ENTPD8: variants seen among roughly 807,000 people sequenced by gnomAD.
The protein encoded by ENTPD8 is E-NTPDase 8.
In ENTPD8, 35 loss-of-function variants were observed where a neutral mutation model predicts 47.0. That is an observed-to-expected ratio of 0.75 (90% CI 0.57 to 0.99). The LOEUF (loss-of-function observed/expected upper bound fraction) is 0.99, where lower values mean the gene tolerates loss of function less well. ENTPD8 is among the 50% of genes least tolerant of loss of function. The probability of loss-of-function intolerance (pLI) is 0.00; values close to 1 mark genes in which losing one functional copy is unlikely to be tolerated. For missense variants in ENTPD8, 668 were observed against 649.9 expected, an observed-to-expected ratio of 1.03 and a Z score of -0.30; for synonymous variants, 308 against 290.5, an observed-to-expected ratio of 1.06 and a Z score of -0.61.
Position 137,434,479 on chromosome 9 carries a change from C to T in ENTPD8, c.*435G>A, listed in dbSNP as rs1212722814. 1 of 1,230,998 alleles carries T rather than the reference C, an allele frequency of 8.1e-7. No homozygotes were observed. The highest frequency in any genetic ancestry group is 1.1e-6 in the Non-Finnish European group (1 of 891,632). 76.3% of individuals were successfully genotyped at this position (1,230,998 alleles called of 1,614,324 possible). On this transcript the variant is annotated 3_prime_UTR_variant, in exon 10 of 10. Coordinates refer to ENST00000371506, the MANE Select transcript of ENTPD8 (RefSeq NM_001033113.2). ...GCCCCCAGGCCTGGACTCCATCCAT[C>T]TGCTCAGACAACAGCAGGGAGAGCG...
intron 6 of ENTPD8, 27 bp downstream of exon 6, chr9:137,436,480 TGTTCCCACAGCCCC>T (rs1304023920): frequency 6.4e-7 from 1 of 1,554,434 alleles, no homozygotes; most frequent in Non-Finnish European, 8.7e-7. Context: ...CCCATAGCCC[TGTTCCCACAGCCCC>T]ATGCACCCTC....
intron 5 of ENTPD8, 59 bp from the exon 6 acceptor site, chr9:137,436,810 C>T: frequency 1.2e-6 from 2 of 1,602,828 alleles, no homozygotes; most frequent in African/African-American, 1.3e-5. Context: ...TCCCGGTCAG[C>T]CAGCCCCAGA....
rs941560583 is a variant in ENTPD8, at chr9:137,434,556, A to C, written c.*358T>G. On this transcript the variant is annotated 3_prime_UTR_variant, in exon 10 of 10. Coordinates refer to ENST00000371506, the MANE Select transcript of ENTPD8 (RefSeq NM_001033113.2). ...CTTCCACCCCTCTCCGCCCCTCCTG[A>C]GGCCCCATCAGGAGCAGGACCCCTG... 12 of 635,954 alleles carry C rather than the reference A, an allele frequency of 1.9e-5. No homozygotes were observed. The Admixed American group carries it at 3.6e-4, about 19-fold the overall frequency. 39.4% of individuals were successfully genotyped at this position (635,954 alleles called of 1,614,324 possible).
chr9:137,436,488 C>T (rs1839363924), intron 6 of ENTPD8, 33 bp downstream of exon 6: 1 of 1,565,458 alleles, frequency 6.4e-7, no homozygotes, highest in Non-Finnish European at 8.7e-7. Context: ...CCTGTTCCCA[C>T]AGCCCCATGC....
At position 137,438,231 on chromosome 9, in the gene ENTPD8, C is replaced by A; in HGVS notation, c.55G>T (p.Val19Phe). The A allele has an allele frequency of 6.2e-7, 1 of 1,601,544 alleles. No homozygotes were observed. Among genetic ancestry groups the A allele is most frequent in the Non-Finnish European group, 8.5e-7 (1 of 1,174,606 alleles). The change falls in exon 2 of 10, where the codon GTC becomes TTC. Residue 19 changes from valine (V) to phenylalanine (F), a missense_variant. Coordinates refer to ENST00000371506, the MANE Select transcript of ENTPD8 (RefSeq NM_001033113.2). The surrounding 1 kb of genome is among the most constrained non-coding windows in gnomAD (Gnocchi z 5.7). ...VFLALLGASGVSGLTALILLL... is the reference protein window; with the variant it reads ...VFLALLGASGFSGLTALILLL... ...AGAATGAGTGCCGTGAGGCCTGAGA[C>A]CCCCGAGGCCCCCAGCAGGGCCAAG...
chr9:137,439,116 A>G (rs1487599966), intron 1 of ENTPD8, among the ~76,000 whole-genome samples: 2 of 152,020 alleles, frequency 1.3e-5, no homozygotes, highest in Non-Finnish European at 2.9e-5. Context: ...TCTTAACAAC[A>G]TCGGTTTCTC....
At position 137,435,716 on chromosome 9, in the gene ENTPD8, C is replaced by A; in HGVS notation, c.1161+3G>T. ...GCAGCCAGGGAGCCCAGGGCCCACCCACCAGTTTCCAGGGCCTCTGGCAAA... is the reference window on the plus strand; with the variant it reads ...GCAGCCAGGGAGCCCAGGGCCCACCAACCAGTTTCCAGGGCCTCTGGCAAA... On this transcript the variant is annotated splice_donor_region_variant and intron_variant, in intron 8 of 9. Coordinates refer to ENST00000371506, the MANE Select transcript of ENTPD8 (RefSeq NM_001033113.2). The A allele has an allele frequency of 6.2e-7, 1 of 1,611,906 alleles. No homozygotes were observed. The highest frequency in any genetic ancestry group is 8.5e-7 in the Non-Finnish European group (1 of 1,178,926).
At position 137,436,362 on chromosome 9, in the gene ENTPD8, C is replaced by T. The variant is rs113882902; in HGVS notation, c.787-86G>A. On this transcript the variant is annotated intron_variant, in intron 6 of 9. Coordinates refer to ENST00000371506, the MANE Select transcript of ENTPD8 (RefSeq NM_001033113.2). The stretch of plus-strand genomic sequence containing the variant: ...GGGGCCGGATGACCCACGCCAGCCC[C>T]GCGCCCATACCCTGTGCGCCCTCCC... The T allele has an allele frequency of 6.0e-4, 861 of 1,429,870 alleles. 2 individuals carry two copies. The African/African-American group carries it at 9.3e-3, about 15-fold the overall frequency. 88.6% of individuals were successfully genotyped at this position (1,429,870 alleles called of 1,614,324 possible). A position where few individuals can be genotyped will look rare whatever the true frequency, so the allele number is the denominator to read the frequency against.
In ENTPD8 at chr9:137,434,746, G is replaced by C. The variant is rs539236172; in HGVS notation, c.*168C>G. The C allele has an allele frequency of 2.8e-4, 245 of 877,214 alleles. 1 individual carries two copies. The highest frequency in any genetic ancestry group is 6.2e-4 in the Admixed American group (20 of 32,412). 54.3% of individuals were successfully genotyped at this position (877,214 alleles called of 1,614,324 possible). A position where few individuals can be genotyped will look rare whatever the true frequency, so the allele number is the denominator to read the frequency against. ...GAGGGACGCCGGGAGGGGAGGTCAT[G>C]CAGCCTCTGTGGCCAGCACCACCCT... On this transcript the variant is annotated 3_prime_UTR_variant, in exon 10 of 10. Coordinates refer to ENST00000371506, the MANE Select transcript of ENTPD8 (RefSeq NM_001033113.2).
Position 137,435,994 on chromosome 9 carries a change from G to T in ENTPD8, c.1050+19C>A. ...ACAAGGAAGCCCGGACCCCTGGTGGGGGCAGTGTAGGTGCTCACATAGAAC... is the reference window on the plus strand; with the variant it reads ...ACAAGGAAGCCCGGACCCCTGGTGGTGGCAGTGTAGGTGCTCACATAGAAC... On this transcript the variant is annotated intron_variant, in intron 7 of 9. Transcript: ENST00000371506. 1 of 1,611,622 alleles carries T rather than the reference G, an allele frequency of 6.2e-7. No homozygotes were observed. Among genetic ancestry groups the T allele is most frequent in the Non-Finnish European group, 8.5e-7 (1 of 1,179,156 alleles).
chr9:137,434,829 C>G lies in ENTPD8; in HGVS notation c.*85G>C. Reference sequence around the variant, plus strand: ...GTGGGCAGAGCCACAGAGCAAGGCCCCACGGCGCTCAGGGCTCAGGAAGCC... The same window carrying G: ...GTGGGCAGAGCCACAGAGCAAGGCCGCACGGCGCTCAGGGCTCAGGAAGCC... On this transcript the variant is annotated 3_prime_UTR_variant, in exon 10 of 10. Coordinates refer to ENST00000371506, the MANE Select transcript of ENTPD8 (RefSeq NM_001033113.2). The G allele has an allele frequency of 6.9e-7, 1 of 1,447,840 alleles. No individual in the cohort carries two copies. The highest frequency in any genetic ancestry group is 9.1e-7 in the Non-Finnish European group (1 of 1,093,264). The allele number at this position is 1,447,840 out of a possible 1,614,324, so 89.7% of individuals were successfully genotyped here. A position where few individuals can be genotyped will look rare whatever the true frequency, so the allele number is the denominator to read the frequency against.
chr9:137,435,786 G>T lies in ENTPD8; in HGVS notation c.1094C>A (p.Thr365Asn), dbSNP rs1839330119. 2.5e-6 allele frequency: 4 copies of T among 1,613,670 alleles called. No individual in the cohort carries two copies. Among genetic ancestry groups the T allele is most frequent in the Non-Finnish European group, 3.4e-6 (4 of 1,179,930 alleles). Residue 365 changes from threonine to asparagine, a missense_variant, in exon 8 of 10, where the codon ACC (threonine) becomes AAC (asparagine). Thr to Asn is a moderately conservative substitution (Grantham distance 65). Transcript: ENST00000371506. ...FYYTFHFLNL[T>N]SRQPLSTVNA... is the part of the protein sequence containing the mutation. ...GACCGTGCTCAGGGGCTGCCTGGAG[G>T]TGAGGTTCAGGAAGTGGAAGGTGTA...
In ENTPD8 at chr9:137,438,140, C is replaced by T. The variant is rs1449389292; in HGVS notation, c.126+20G>A. ...ACACCTGTGGACCCGGCCCGGCCTC[C>T]CCTGCCGGCGGGGACGCACCTTGAT... On this transcript the variant is annotated intron_variant, in intron 2 of 9. Transcript: ENST00000371506. The surrounding 1 kb of genome is among the most constrained non-coding windows in gnomAD (Gnocchi z 5.7). 3.1e-6 allele frequency: 5 copies of T among 1,609,712 alleles called. No individual in the cohort carries two copies. The South Asian group carries it at 4.4e-5, about 14-fold the overall frequency.
intron 6 of ENTPD8, 66 bp from the exon 7 acceptor site, chr9:137,436,342 C>T (rs1169940190): frequency 8.2e-6 from 12 of 1,454,692 alleles, no homozygotes; most frequent in East Asian, 2.9e-5. Context: ...TCCCCGGGGC[C>T]GGATGACCCA....
chr9:137,436,713 C>A lies in ENTPD8; in HGVS notation c.594G>T (p.Glu198Asp), dbSNP rs1839373534. 1 of 1,599,802 alleles carries A rather than the reference C, an allele frequency of 6.3e-7. No homozygotes were observed. Among genetic ancestry groups the A allele is most frequent in the East Asian group, 2.3e-5 (1 of 44,296 alleles). ...FTGEWIQPPE[E>D]MLVGALDMGG... The stretch of plus-strand genomic sequence containing the variant: ...CCATGTCCAGGGCACCCACCAGCAT[C>A]TCCTCCGGAGGCTGGATCCATTCTC... The change falls in exon 6 of 10, where the codon GAG becomes GAT. Residue 198 changes from glutamate (E) to aspartate (D), a missense_variant. Transcript: ENST00000371506.
At chr9:137,437,817 G>A (rs374563315) in intron 3 of ENTPD8, 150 bp downstream of exon 3, 22 of 725,598 alleles carry the variant, frequency 3.0e-5, no homozygotes, top group African/African-American at 1.6e-4. Context: ...GTGCCACCGC[G>A]TGAACGCAGG....
intron 6 of ENTPD8, 117 bp downstream of exon 6, chr9:137,436,404 A>G (rs1839357946): frequency 7.5e-7 from 1 of 1,330,058 alleles, no homozygotes; most frequent in African/African-American, 1.5e-5. Flanking sequence ...CGGATGACCC[A>G]CGCCAGCCCC....
Position 137,434,906 on chromosome 9 carries a change from C to G in ENTPD8, c.*8G>C. 1 of 1,602,842 alleles carries G rather than the reference C, an allele frequency of 6.2e-7. No homozygotes were observed. The highest frequency in any genetic ancestry group is 1.3e-5 in the African/African-American group (1 of 74,896). ...TGGGCTCTGTGGGGGCCCACCTCCG[C>G]CTTCCCACTAGTCCTGCAACCAGAA... On this transcript the variant is annotated 3_prime_UTR_variant, in exon 10 of 10. Coordinates refer to ENST00000371506, the MANE Select transcript of ENTPD8 (RefSeq NM_001033113.2).
Position 137,437,261 on chromosome 9 carries a change from C to A in ENTPD8, c.293G>T (p.Ser98Ile). Residue 98 changes from serine to isoleucine, a missense_variant, in exon 4 of 10, where the codon AGC becomes ATC. Transcript: ENST00000371506. ...YTSNAAQAGE[S>I]LQGCLEEALV... is the part of the protein sequence containing the mutation. Reference sequence around the variant, plus strand: ...CGCCTCCTCCAAGCAGCCCTGCAGGCTCTCACCAGCCTGTGCAGCATTAGA... The same window carrying A: ...CGCCTCCTCCAAGCAGCCCTGCAGGATCTCACCAGCCTGTGCAGCATTAGA... 2.5e-6 allele frequency: 4 copies of A among 1,613,068 alleles called. No homozygotes were observed. The Middle Eastern group carries it at 6.6e-4, about 266-fold the overall frequency.
Sources: allele counts gnomAD v4.1 joint callset (sites outside exome capture counted in the v4.1 genomes callset), GRCh38; gene constraint gnomAD v4.1.1; non-coding constraint Gnocchi (gnomAD v3.1); transcripts MANE v1.5; gene names NCBI Gene and HGNC (gene_info 2026-07-23, HGNC 2026-07-21).